The following ATXN1 variants were observed in gnomAD, a reference collection of about 807,000 sequenced individuals.
The protein encoded by ATXN1 is ataxin-1.
ATXN1 carries 8 observed loss-of-function variants against 56.4 expected under a neutral mutation model. The ratio of observed to expected loss-of-function variants is 0.14; its 90% CI spans 0.08 to 0.26. ATXN1 has a LOEUF of 0.26. Among genes scored for constraint, ATXN1 ranks in the 10% least tolerant of loss-of-function variants. The probability of loss-of-function intolerance (pLI) is 1.00; values close to 1 mark genes in which losing one functional copy is unlikely to be tolerated. For synonymous variants in ATXN1, 514 were observed against 494.6 expected (o/e 1.04, Z -0.52); for missense variants, 987 against 1,106.5 (o/e 0.89, Z 1.53).
intron 6 of ATXN1, among the ~76,000 whole-genome samples, chr6:16,430,902 G>A (rs1759269895): frequency 1.3e-5 from 2 of 152,150 alleles, no homozygotes; most frequent in African/African-American, 2.4e-5. Flanking sequence ...CTCTAAAAAG[G>A]GTTGAATATT....
intron 2 of ATXN1, among the ~76,000 whole-genome samples, chr6:16,660,090 A>G (rs531600361): frequency 6.6e-6 from 1 of 152,366 alleles, no homozygotes; most frequent in East Asian, 1.9e-4. Flanking sequence ...AACTCTTATC[A>G]AAAGAAAACA....
chr6:16,599,032 C>A (rs935188739), intron 3 of ATXN1, among the ~76,000 whole-genome samples: 1 of 152,224 alleles, frequency 6.6e-6, no homozygotes, highest in African/African-American at 2.4e-5. Flanking sequence ...GCAGAAGGAA[C>A]TAATGCAGCT....
chr6:16,720,362 T>C lies in ATXN1; in HGVS notation c.-615+32871A>G, dbSNP rs181130145. Among the ~76,000 whole-genome samples the C allele has an allele frequency of 2.2e-3, 335 of 152,376 alleles. 1 individual carries two copies. Among genetic ancestry groups the C allele is most frequent in the African/African-American group, 6.3e-3 (264 of 41,596 alleles). ...GCAATTTACTTGTGGTTGTCTCCAC[T>C]ATGAGAACATAAGCTCTCTGAGGGC... is the stretch of plus-strand genomic sequence containing the variant. On this transcript the variant is annotated intron_variant, in intron 2 of 7. Transcript: ENST00000436367.
intron 6 of ATXN1, among the ~76,000 whole-genome samples, chr6:16,364,725 G>A (rs1761880219): frequency 6.6e-6 from 1 of 152,240 alleles, no homozygotes; most frequent in African/African-American, 2.4e-5. Context: ...AAATAAGCCT[G>A]GATGTGATGC....
chr6:16,717,539 CACATCAA>C (rs1759663939), intron 2 of ATXN1, among the ~76,000 whole-genome samples: 1 of 152,232 alleles, frequency 6.6e-6, no homozygotes, highest in Non-Finnish European at 1.5e-5. Context: ...TTTCTCAAGG[CACATCAA>C]TAAAGTAGCT....
At chr6:16,487,401 T>C (rs1341399484) in intron 5 of ATXN1, among the ~76,000 whole-genome samples, 1 of 152,114 alleles carries the variant, frequency 6.6e-6, no homozygotes, top group Non-Finnish European at 1.5e-5. Context: ...AATCTTAGAT[T>C]TGGAATTGGT....
intron 3 of ATXN1, chr6:16,616,155 C>A (rs1047665232): frequency 9.9e-5 from 15 of 152,104 alleles, no homozygotes; most frequent in Admixed American, 9.8e-4. Flanking sequence ...TATTAAAATA[C>A]AGGAGACAAA....
chr6:16,444,039 C>T (rs991703088), intron 6 of ATXN1, among the ~76,000 whole-genome samples: 2 of 151,818 alleles, frequency 1.3e-5, no homozygotes, highest in Non-Finnish European at 2.9e-5. Context: ...TGGCGTGAAC[C>T]TGGGAGGTGG....
intron 6 of ATXN1, among the ~76,000 whole-genome samples, chr6:16,418,313 A>C (rs1758958643): frequency 6.6e-6 from 1 of 152,186 alleles, no homozygotes; most frequent in African/African-American, 2.4e-5. Flanking sequence ...CTCCTGGCAA[A>C]AACTCCTTGC....
At chr6:16,705,854 T>C (rs1049093132) in intron 2 of ATXN1, among the ~76,000 whole-genome samples, 2 of 152,184 alleles carry the variant, frequency 1.3e-5, no homozygotes, top group East Asian at 3.8e-4. Context: ...TCCCTTATCA[T>C]GCCAAATGCA....
chr6:16,472,284 T>C (rs1009309562), intron 6 of ATXN1, among the ~76,000 whole-genome samples: 1 of 152,218 alleles, frequency 6.6e-6, no homozygotes, highest in Non-Finnish European at 1.5e-5. Flanking sequence ...TTCAATATTT[T>C]ATGCAAAACT....
At chr6:16,443,459 A>G (rs1759565036) in intron 6 of ATXN1, among the ~76,000 whole-genome samples, 1 of 152,198 alleles carries the variant, frequency 6.6e-6, no homozygotes, top group Non-Finnish European at 1.5e-5. Context: ...GTGAACTCAA[A>G]TGTATATCCA....
At chr6:16,319,928 A>G (rs1339564029) in intron 7 of ATXN1, among the ~76,000 whole-genome samples, 1 of 151,410 alleles carries the variant, frequency 6.6e-6, no homozygotes, top group Admixed American at 6.6e-5. Flanking sequence ...TCTCTGTTGG[A>G]GCCTTTCCAG....
rs1372752569 is a variant in ATXN1, at chr6:16,761,288, A to G, written c.-730+10T>C. ...AAGAATCGGAGGAGGAAAAAAAAAT[A>G]GTCACTTACTGTAAAGTGTAAATGG... is the stretch of plus-strand genomic sequence containing the variant. On this transcript the variant is annotated intron_variant, in intron 1 of 7. Transcript: ENST00000436367. The G allele has an allele frequency of 4.5e-6, 2 of 449,430 alleles. No individual in the cohort carries two copies. The highest frequency in any genetic ancestry group is 9.0e-6 in the Non-Finnish European group (2 of 223,460). 27.8% of individuals were successfully genotyped at this position (449,430 alleles called of 1,614,324 possible).
intron 2 of ATXN1, among the ~76,000 whole-genome samples, chr6:16,692,822 G>T (rs1759078421): frequency 6.6e-6 from 1 of 152,202 alleles, no homozygotes; most frequent in African/African-American, 2.4e-5. Flanking sequence ...ATGGGCCCAA[G>T]ATCTCAAATT....
At chr6:16,321,606 A>C (rs977617779) in intron 7 of ATXN1, among the ~76,000 whole-genome samples, 4 of 152,224 alleles carry the variant, frequency 2.6e-5, no homozygotes, top group Non-Finnish European at 5.9e-5. Flanking sequence ...CAAACACGGA[A>C]AAGCATTTTT....
At chr6:16,419,600 T>G (rs1393706274) in intron 6 of ATXN1, among the ~76,000 whole-genome samples, 2 of 152,088 alleles carry the variant, frequency 1.3e-5, no homozygotes, top group African/African-American at 4.8e-5. Flanking sequence ...TTTCAGAGTG[T>G]GTGAGGGCCA....
At chr6:16,644,767 C>T (rs143527268) in intron 3 of ATXN1, among the ~76,000 whole-genome samples, 52 of 152,060 alleles carry the variant, frequency 3.4e-4, no homozygotes, top group Middle Eastern at 3.4e-3. Context: ...TGGCCACTCA[C>T]CAGGAAAGTA....
At chr6:16,475,091 A>G (rs1760300644) in intron 6 of ATXN1, among the ~76,000 whole-genome samples, 1 of 152,184 alleles carries the variant, frequency 6.6e-6, no homozygotes, top group Non-Finnish European at 1.5e-5. Context: ...TTTATAGATG[A>G]GACTATTATA....
Sources: gnomAD v4.1 joint callset for allele counts (sites outside exome capture counted in the v4.1 genomes callset) on GRCh38, gnomAD v4.1.1 for gene constraint, MANE v1.5 for transcripts, NCBI Gene and HGNC (gene_info 2026-07-23, HGNC 2026-07-21) for gene names.